The following RAD51B variants were observed in gnomAD, a reference collection of about 807,000 sequenced individuals.
RAD51B encodes the protein RAD51 paralog B.
RAD51B carries 38 observed loss-of-function variants against 42.2 expected under a neutral mutation model. The ratio of observed to expected loss-of-function variants is 0.90; its 90% confidence interval spans 0.70 to 1.18. The LOEUF (loss-of-function observed/expected upper bound fraction) is 1.18, where lower values mean the gene tolerates loss of function less well. RAD51B is among the 50% of genes most tolerant of loss of function. RAD51B has a pLI of 0.00. For synonymous variants in RAD51B, 154 were observed against 145.2 expected (o/e 1.06, Z -0.43); for missense variants, 373 against 400.7 (o/e 0.93, Z 0.59).
intron 1 of RAD51B, 25 bp from the exon 2 acceptor site, chr14:67,823,517 C>A: frequency 6.3e-7 from 1 of 1,598,122 alleles, no homozygotes; most frequent in Non-Finnish European, 8.5e-7. Flanking sequence ...TTTCATGGTT[C>A]TTCTTTTCTT....
intron 8 of RAD51B, among the ~76,000 whole-genome samples, chr14:68,380,669 A>T (rs940738937): frequency 6.6e-6 from 1 of 152,190 alleles, no homozygotes; most frequent in African/African-American, 2.4e-5. Flanking sequence ...CTGTGCCATA[A>T]CTCACTCAGA....
chr14:67,892,432 G>A (rs1409297357), intron 7 of RAD51B, among the ~76,000 whole-genome samples: 1 of 152,138 alleles, frequency 6.6e-6, no homozygotes, highest in African/African-American at 2.4e-5. Context: ...ATTATATTGT[G>A]CCACTGTTAC....
rs117239867 is a variant in RAD51B, at chr14:67,997,858, C to T, written c.756+110654C>T. Among the ~76,000 whole-genome samples, 1,031 of 152,194 alleles carry T rather than the reference C, an allele frequency of 6.8e-3. 7 individuals carry two copies. The highest frequency in any genetic ancestry group is 9.1e-3 in the Non-Finnish European group (618 of 68,000). On this transcript the variant is annotated intron_variant, in intron 7 of 10. Coordinates refer to ENST00000471583, the MANE Select transcript of RAD51B (RefSeq NM_133510.4). ...TGTGCTTCAAGTTCATTATCTTTCT[C>T]GTGCCAAATCTGCTATTAATCCCAT...
rs143037015 is a variant in RAD51B, at chr14:68,389,942, G to C, written c.854-21482G>C. Reference sequence around the variant, plus strand: ...ACTGTTTTAAACCTAGGTATTCTGCGAATATGTAACAGATTAGGAACTGAA... The same window carrying C: ...ACTGTTTTAAACCTAGGTATTCTGCCAATATGTAACAGATTAGGAACTGAA... On this transcript the variant is annotated intron_variant, in intron 8 of 10. Coordinates refer to ENST00000471583, the MANE Select transcript of RAD51B (RefSeq NM_133510.4). 5.5e-3 allele frequency among the ~76,000 whole-genome samples: 833 copies of C among 152,192 alleles called. 2 individuals carry two copies. The highest frequency in any genetic ancestry group is 8.1e-3 in the Non-Finnish European group (548 of 68,008).
At chr14:67,828,748 C>A (rs762889741) in intron 3 of RAD51B, among the ~76,000 whole-genome samples, 4 of 152,086 alleles carry the variant, frequency 2.6e-5, no homozygotes, top group Non-Finnish European at 5.9e-5. Flanking sequence ...ATAGGCAATC[C>A]TTTCCCCATT....
At chr14:68,069,940 C>T (rs1453025303) in intron 7 of RAD51B, among the ~76,000 whole-genome samples, 1 of 152,092 alleles carries the variant, frequency 6.6e-6, no homozygotes, top group Non-Finnish European at 1.5e-5. Flanking sequence ...TGTAACCTCA[C>T]CAGCATGTTA....
chr14:68,307,274 A>G (rs1011258286), intron 8 of RAD51B, among the ~76,000 whole-genome samples: 2 of 152,180 alleles, frequency 1.3e-5, no homozygotes, highest in African/African-American at 4.8e-5. Flanking sequence ...CCTGAATGAT[A>G]TATTTCTTAA....
Position 68,418,629 on chromosome 14 carries a change from T to C in RAD51B, c.957+7102T>C, listed in dbSNP as rs78226357. On this transcript the variant is annotated intron_variant, in intron 9 of 10. Transcript: ENST00000471583. Reference sequence around the variant, plus strand: ...GGCTTTGGAACCAAATTGAAGACCCTGTTGTCTGGCTTGGGAAGAAAAATA... The same window carrying C: ...GGCTTTGGAACCAAATTGAAGACCCCGTTGTCTGGCTTGGGAAGAAAAATA... 4.3e-3 allele frequency among the ~76,000 whole-genome samples: 661 copies of C among 152,340 alleles called. 3 individuals carry two copies. The highest frequency in any genetic ancestry group is 0.015 in the African/African-American group (637 of 41,572).
At chr14:68,021,606 T>A (rs1419012374) in intron 7 of RAD51B, among the ~76,000 whole-genome samples, 1 of 152,146 alleles carries the variant, frequency 6.6e-6, no homozygotes, top group Non-Finnish European at 1.5e-5. Flanking sequence ...TTGACATTTG[T>A]CCCCCAACTC....
intron 7 of RAD51B, among the ~76,000 whole-genome samples, chr14:68,087,945 TTATA>T (rs1292338466): frequency 8.8e-6 from 1 of 113,062 alleles, no homozygotes; most frequent in Non-Finnish European, 1.6e-5. Context: ...TAATTTATTA[TTATA>T]TATAATTATA....
chr14:67,852,980 A>G (rs923748530), intron 4 of RAD51B, among the ~76,000 whole-genome samples: 9 of 152,200 alleles, frequency 5.9e-5, no homozygotes, highest in Non-Finnish European at 1.2e-4. Context: ...ATCTAATCAT[A>G]TGAGCCCTTA....
intron 7 of RAD51B, among the ~76,000 whole-genome samples, chr14:67,977,543 C>T (rs997548566): frequency 2.0e-5 from 3 of 152,206 alleles, no homozygotes; most frequent in Non-Finnish European, 2.9e-5. Context: ...TGATCCCTAG[C>T]CTGCTTCAGC....
chr14:68,207,162 G>A (rs1455478739), intron 7 of RAD51B, among the ~76,000 whole-genome samples: 1 of 151,982 alleles, frequency 6.6e-6, no homozygotes, highest in African/African-American at 2.4e-5. Context: ...TTACTATTGA[G>A]GTATCTTGGC....
At chr14:68,592,913 G>T (rs1890820243) in intron 10 of RAD51B, among the ~76,000 whole-genome samples, 1 of 138,024 alleles carries the variant, frequency 7.2e-6, no homozygotes, top group African/African-American at 2.6e-5. Context: ...GATCAGGAAG[G>T]TCCATGGCCA....
At chr14:68,211,076 C>T (rs995260610) in intron 7 of RAD51B, among the ~76,000 whole-genome samples, 1 of 152,188 alleles carries the variant, frequency 6.6e-6, no homozygotes, top group Non-Finnish European at 1.5e-5. Flanking sequence ...GCCTTGTCTT[C>T]CTTGATCTTC....
At position 67,835,230 on chromosome 14, in the gene RAD51B, G is replaced by A. The variant is rs541348548; in HGVS notation, c.315+34G>A. ...AAAATTTTTCGTACCTTCTTCCATT[G>A]ACCTATAACCTTCAGAGCTAGGGAA... On this transcript the variant is annotated intron_variant, in intron 4 of 10. Transcript: ENST00000471583. The A allele has an allele frequency of 2.9e-5, 42 of 1,445,228 alleles. No individual in the cohort carries two copies. The East Asian group carries it at 9.1e-4, about 31-fold the overall frequency. The allele number at this position is 1,445,228 out of a possible 1,614,324, so 89.5% of individuals were successfully genotyped here.
intron 9 of RAD51B, among the ~76,000 whole-genome samples, chr14:68,465,594 C>T (rs1429398449): frequency 6.6e-6 from 1 of 152,108 alleles, no homozygotes; most frequent in African/African-American, 2.4e-5. Context: ...AATCGAGAAC[C>T]ACTGTTTTTT....
At chr14:68,514,173 T>G (rs1270075813) in intron 10 of RAD51B, among the ~76,000 whole-genome samples, 1 of 152,172 alleles carries the variant, frequency 6.6e-6, no homozygotes, top group Non-Finnish European at 1.5e-5. Flanking sequence ...GAATAAAAAT[T>G]ACCGCGGAGC....
chr14:68,512,178 C>G (rs1369294400), intron 10 of RAD51B, among the ~76,000 whole-genome samples: 1 of 152,192 alleles, frequency 6.6e-6, no homozygotes, highest in East Asian at 1.9e-4. Flanking sequence ...AGGCTGCCCC[C>G]ACTTGCAGTG....
Sources: gnomAD v4.1 joint callset for allele counts (sites outside exome capture counted in the v4.1 genomes callset) on GRCh38, gnomAD v4.1.1 for gene constraint, MANE v1.5 for transcripts, NCBI Gene and HGNC (gene_info 2026-07-23, HGNC 2026-07-21) for gene names.